The following HTR3B variants were observed in gnomAD, a reference collection of about 807,000 sequenced individuals.
The protein encoded by HTR3B is 5-hydroxytryptamine (serotonin) receptor 3B, ionotropic.
In HTR3B, 44 loss-of-function variants were observed where a neutral mutation model predicts 42.8. That is an observed-to-expected ratio of 1.03 (90% CI 0.81 to 1.32). HTR3B has a LOEUF of 1.32. Among genes scored for constraint, HTR3B ranks in the 40% most tolerant of loss-of-function variants. The pLI, the probability that HTR3B is intolerant of heterozygous loss-of-function variation, is 0.00. For missense variants in HTR3B, 527 were observed against 536.5 expected (o/e 0.98, Z 0.17); for synonymous variants, 203 against 209.0 (o/e 0.97, Z 0.25).
rs188260645 is a variant in HTR3B, at chr11:113,921,982, C to T, written c.214-9402C>T. Among the ~76,000 whole-genome samples the T allele has an allele frequency of 7.0e-4, 106 of 152,300 alleles. 1 individual carries two copies. Among genetic ancestry groups the T allele is most frequent in the African/African-American group, 2.3e-3 (96 of 41,560 alleles). On this transcript the variant is annotated intron_variant, in intron 2 of 8. Coordinates refer to ENST00000260191, the MANE Select transcript of HTR3B (RefSeq NM_006028.5). The stretch of plus-strand genomic sequence containing the variant: ...AGTTTTATCCCTGTCTACCATCTTA[C>T]ATTATCTTCTCCCGGTTCTCAGTAC...
chr11:113,932,868 C>A, intron 5 of HTR3B, 68 bp from the exon 6 acceptor site: 1 of 1,519,280 alleles, frequency 6.6e-7, no homozygotes, highest in Non-Finnish European at 9.0e-7. Context: ...GAATTGGGAG[C>A]TGGAAAAGTG....
chr11:113,907,839 T>C (rs1018680986), intron 1 of HTR3B, among the ~76,000 whole-genome samples: 1 of 152,200 alleles, frequency 6.6e-6, no homozygotes, highest in African/African-American at 2.4e-5. Context: ...GAGGTAAACG[T>C]GAAGCTGCCC....
chr11:113,930,407 A>G (rs1950021820), intron 2 of HTR3B, among the ~76,000 whole-genome samples: 2 of 151,926 alleles, frequency 1.3e-5, no homozygotes, highest in South Asian at 4.2e-4. Context: ...AAAAATTCCT[A>G]AGAACATCTG....
intron 2 of HTR3B, among the ~76,000 whole-genome samples, chr11:113,929,081 A>C (rs1017947698): frequency 6.6e-6 from 1 of 152,222 alleles, no homozygotes; most frequent in African/African-American, 2.4e-5. Context: ...ACTTTTTAAG[A>C]AAGTGCCATA....
At chr11:113,900,831 G>C (rs1949692630), upstream of HTR3B, among the ~76,000 whole-genome samples, 1 of 152,096 alleles carries the variant, frequency 6.6e-6, no homozygotes, top group African/African-American at 2.4e-5. Flanking sequence ...TGGTGGAAGG[G>C]GAAGGGGAAG....
At chr11:113,912,368 G>A (rs551780601) in intron 2 of HTR3B, among the ~76,000 whole-genome samples, 1 of 151,938 alleles carries the variant, frequency 6.6e-6, no homozygotes, top group South Asian at 2.1e-4. Context: ...CTCAGCCTCC[G>A]GAACAGCTGG....
rs375381760 is a variant in HTR3B at position 113,943,204 on chromosome 11, C to T, written c.907+12C>T. 165 of 1,601,178 alleles carry T rather than the reference C, an allele frequency of 1.0e-4. No homozygotes were observed. Among genetic ancestry groups the T allele is most frequent in the Non-Finnish European group, 1.3e-4 (151 of 1,170,438 alleles). ...CACCCCTCTGATTGGTAAGCAGCCT[C>T]GGGGTCACTGGACACTCATCTTACA... On this transcript the variant is annotated intron_variant, in intron 7 of 8. Transcript: ENST00000260191.
At chr11:113,933,651 A>G (rs1028617750) in intron 6 of HTR3B, among the ~76,000 whole-genome samples, 4 of 152,090 alleles carry the variant, frequency 2.6e-5, no homozygotes, top group African/African-American at 9.7e-5. Flanking sequence ...TATGATGGGA[A>G]CCCACACTCC....
At chr11:113,936,067 G>A (rs1052450321) in intron 6 of HTR3B, among the ~76,000 whole-genome samples, 7 of 152,172 alleles carry the variant, frequency 4.6e-5, no homozygotes, top group African/African-American at 1.7e-4. Context: ...CTACAAAGAT[G>A]TCTGTGTACA....
At position 113,947,277 on chromosome 11, in the gene HTR3B, G is replaced by A. The variant is rs1454274953; in HGVS notation, c.*1140G>A. ...TGCCACCACACCCAGCTAATTTTCT[G>A]TATTTTAGTAGCAGGTGCCAAGGCT... On this transcript the variant is annotated 3_prime_UTR_variant, in exon 9 of 9. Transcript: ENST00000260191. Among the ~76,000 whole-genome samples, 1 of 151,900 alleles carries A rather than the reference G, an allele frequency of 6.6e-6. No homozygotes were observed. Among genetic ancestry groups the A allele is most frequent in the Non-Finnish European group, 1.5e-5 (1 of 67,966 alleles).
At chr11:113,913,350 A>ATTTTTTTTTTTTTTTTTTTTTTTTT (rs71063533) in intron 2 of HTR3B, among the ~76,000 whole-genome samples, 6 of 61,522 alleles carry the variant, frequency 9.8e-5, no homozygotes, top group African/African-American at 1.4e-4. Flanking sequence ...TGTCTGGCTA[A>ATTTTTTTTTTTTTTTTTTTTTTTTT]TTTTTTTTTT....
intron 2 of HTR3B, among the ~76,000 whole-genome samples, chr11:113,921,534 G>A (rs562518303): frequency 3.0e-4 from 46 of 151,560 alleles, no homozygotes; most frequent in African/African-American, 9.7e-4. Flanking sequence ...CAGGAGAATC[G>A]CTTGGACCCA....
chr11:113,901,431 A>G (rs1949697195), upstream of HTR3B, among the ~76,000 whole-genome samples: 1 of 150,940 alleles, frequency 6.6e-6, no homozygotes, highest in Non-Finnish European at 1.5e-5. Flanking sequence ...ACAGAGTGAA[A>G]CTCTGCCTCT....
rs372536826 is a variant in HTR3B at position 113,932,828 on chromosome 11, C to T, written c.539-108C>T. On this transcript the variant is annotated intron_variant, in intron 5 of 8. Coordinates refer to ENST00000260191, the MANE Select transcript of HTR3B (RefSeq NM_006028.5). Reference sequence around the variant, plus strand: ...TCAAATAAGGCCAAGGAGACTGTGCCTATGGGGGCAGGAGAACGAGGAAGG... The same window carrying T: ...TCAAATAAGGCCAAGGAGACTGTGCTTATGGGGGCAGGAGAACGAGGAAGG... 2.7e-5 allele frequency: 30 copies of T among 1,099,664 alleles called. No homozygotes were observed. In the African/African-American group the frequency reaches 3.7e-4, roughly 14 times the overall value. The allele number at this position is 1,099,664 out of a possible 1,614,324, so 68.1% of individuals were successfully genotyped here.
In HTR3B at chr11:113,942,924, C is replaced by T. The variant is rs997510039; in HGVS notation, c.697-58C>T. On this transcript the variant is annotated intron_variant, in intron 6 of 8. Coordinates refer to ENST00000260191, the MANE Select transcript of HTR3B (RefSeq NM_006028.5). ...GAGAATTCCTGGCTATGAATTTGGC[C>T]AAATCTGAGTCTGTTGGCCTAGATC... The T allele has an allele frequency of 6.6e-6, 10 of 1,519,628 alleles. No homozygotes were observed. The Admixed American group carries it at 1.4e-4, about 21-fold the overall frequency. 94.1% of individuals were successfully genotyped at this position (1,519,628 alleles called of 1,614,324 possible).
chr11:113,944,250 C>T (rs1950159228), intron 7 of HTR3B, among the ~76,000 whole-genome samples: 1 of 152,062 alleles, frequency 6.6e-6, no homozygotes, highest in Admixed American at 6.6e-5. Context: ...GATCTCCTGA[C>T]CTTGTGATCC....
intron 2 of HTR3B, among the ~76,000 whole-genome samples, chr11:113,927,235 A>G (rs1478581023): frequency 6.6e-6 from 1 of 152,182 alleles, no homozygotes; most frequent in Non-Finnish European, 1.5e-5. Context: ...AACTCCTTTC[A>G]TCTTGCAAAA....
chr11:113,943,857 G>A (rs1950155830), intron 7 of HTR3B, among the ~76,000 whole-genome samples: 1 of 151,072 alleles, frequency 6.6e-6, no homozygotes, highest in Non-Finnish European at 1.5e-5. Context: ...AAAAGAAAGA[G>A]AGAAAGAGAG....
chr11:113,938,969 T>C lies in HTR3B; in HGVS notation c.697-4013T>C, dbSNP rs571868422. On this transcript the variant is annotated intron_variant, in intron 6 of 8. Coordinates refer to ENST00000260191, the MANE Select transcript of HTR3B (RefSeq NM_006028.5). ...GAGATTGCGTCATTGTACTCCAGTC[T>C]GGGCAATAAGAGCGAAATTGTGTCT... 1.1e-4 allele frequency among the ~76,000 whole-genome samples: 16 copies of C among 152,046 alleles called. No homozygotes were observed. In the South Asian group the frequency reaches 3.3e-3, roughly 32 times the overall value.
Sources: gnomAD v4.1 joint callset for allele counts (sites outside exome capture counted in the v4.1 genomes callset) on GRCh38, gnomAD v4.1.1 for gene constraint, MANE v1.5 for transcripts, NCBI Gene and HGNC (gene_info 2026-07-23, HGNC 2026-07-21) for gene names.